The following EFNA5 variants were observed in gnomAD, a reference collection of about 807,000 sequenced individuals.
EFNA5 encodes the protein ephrin-A5.
A neutral mutation model predicts 22.9 loss-of-function variants in EFNA5; 5 were observed. The ratio of observed to expected loss-of-function variants is 0.22; its 90% CI spans 0.11 to 0.46. The LOEUF (loss-of-function observed/expected upper bound fraction) is 0.46, where lower values mean the gene tolerates loss of function less well. Ranked by LOEUF, EFNA5 falls within the 20% of genes least tolerant of loss-of-function variation. EFNA5 has a pLI of 0.99. For missense variants in EFNA5, 237 were observed against 293.3 expected (o/e 0.81, Z 1.40); for synonymous variants, 113 against 112.2 (o/e 1.01, Z -0.04).
intron 2 of EFNA5, among the ~76,000 whole-genome samples, chr5:107,418,664 C>G (rs1748571330): frequency 1.3e-5 from 2 of 152,124 alleles, no homozygotes; most frequent in African/African-American, 2.4e-5. Context: ...AGTGTCACAG[C>G]CTTTGAAAAA....
intron 1 of EFNA5, among the ~76,000 whole-genome samples, chr5:107,488,587 C>T (rs1479579020): frequency 2.6e-5 from 4 of 152,214 alleles, no homozygotes; most frequent in Non-Finnish European, 5.9e-5. Context: ...TAAAAGAGCA[C>T]TCCATTCAGA....
chr5:107,516,174 T>TTGTGTGTGTGTGTGTG (rs59824895), intron 1 of EFNA5, among the ~76,000 whole-genome samples: 1,998 of 139,576 alleles, frequency 0.014, 36 homozygotes, highest in Non-Finnish European at 0.019. Context: ...CTGGCTAGTT[T>TTGTGTGTGTGTGTGTG]TGTGTGTGTG....
At chr5:107,644,075 G>A (rs1395375580) in intron 1 of EFNA5, among the ~76,000 whole-genome samples, 1 of 151,874 alleles carries the variant, frequency 6.6e-6, no homozygotes, top group African/African-American at 2.4e-5. Context: ...TCCATTCTTT[G>A]GGAAAAGTCT....
chr5:107,649,176 G>A (rs937179691), intron 1 of EFNA5, among the ~76,000 whole-genome samples: 8 of 152,150 alleles, frequency 5.3e-5, no homozygotes, highest in Middle Eastern at 3.4e-3. Flanking sequence ...CAATCACCTT[G>A]TAAAGATGAA....
In EFNA5 at chr5:107,656,795, T is replaced by A. The variant is rs554226103; in HGVS notation, c.125+13694A>T. On this transcript the variant is annotated intron_variant, in intron 1 of 4. Coordinates refer to ENST00000333274, the MANE Select transcript of EFNA5 (RefSeq NM_001962.3). Reference sequence around the variant, plus strand: ...TAGGGTGAAGAAACTGAGGCTTAGATTCACCACTATAAATGGCATACTTAC... The same window carrying A: ...TAGGGTGAAGAAACTGAGGCTTAGAATCACCACTATAAATGGCATACTTAC... 6.6e-5 allele frequency among the ~76,000 whole-genome samples: 10 copies of A among 152,252 alleles called. No individual in the cohort carries two copies. The South Asian group carries it at 2.1e-3, about 32-fold the overall frequency.
chr5:107,603,284 C>T (rs1317151866), intron 1 of EFNA5, among the ~76,000 whole-genome samples: 2 of 152,156 alleles, frequency 1.3e-5, no homozygotes, highest in Non-Finnish European at 2.9e-5. Context: ...TTCCCCCATT[C>T]CAGTCTTAGC....
intron 1 of EFNA5, among the ~76,000 whole-genome samples, chr5:107,659,496 CTTTTT>C (rs550340874): frequency 4.6e-5 from 6 of 129,254 alleles, no homozygotes; most frequent in South Asian, 2.5e-4. Flanking sequence ...TTGGGTTTTC[CTTTTT>C]TTTTTTTTTT....
chr5:107,560,703 G>C (rs1375689607), intron 1 of EFNA5, among the ~76,000 whole-genome samples: 1 of 152,182 alleles, frequency 6.6e-6, no homozygotes, highest in Non-Finnish European at 1.5e-5. Flanking sequence ...AAAGGGGATG[G>C]ATTAGACTTG....
intron 4 of EFNA5, among the ~76,000 whole-genome samples, chr5:107,383,324 T>C (rs978111992): frequency 6.6e-6 from 1 of 152,180 alleles, no homozygotes; most frequent in Non-Finnish European, 1.5e-5. Context: ...TATAAAGTCC[T>C]CCACAATGTG....
chr5:107,438,855 A>G (rs1749182136), intron 1 of EFNA5, among the ~76,000 whole-genome samples: 1 of 152,126 alleles, frequency 6.6e-6, no homozygotes, highest in Admixed American at 6.5e-5. Flanking sequence ...CAGGTATTTT[A>G]TATTCTTCAC....
At chr5:107,548,428 G>T (rs185104554) in intron 1 of EFNA5, among the ~76,000 whole-genome samples, 163 of 152,246 alleles carry the variant, frequency 1.1e-3, no homozygotes, top group Non-Finnish European at 1.7e-3. Context: ...CATTTAATAT[G>T]ATTATTTTTA....
At chr5:107,659,341 A>T (rs1210822330) in intron 1 of EFNA5, among the ~76,000 whole-genome samples, 1 of 152,136 alleles carries the variant, frequency 6.6e-6, no homozygotes, top group Non-Finnish European at 1.5e-5. Context: ...TATAGGACCA[A>T]GTTCTGATTC....
intron 1 of EFNA5, among the ~76,000 whole-genome samples, chr5:107,564,255 T>G (rs164697): frequency 1.1e-3 from 170 of 152,200 alleles, no homozygotes; most frequent in African/African-American, 4.0e-3. Flanking sequence ...AAATTACTGT[T>G]AAAGGCAGAA....
At chr5:107,614,048 T>C (rs1292058743) in intron 1 of EFNA5, among the ~76,000 whole-genome samples, 2 of 152,174 alleles carry the variant, frequency 1.3e-5, no homozygotes, top group African/African-American at 4.8e-5. Flanking sequence ...AACCTGTTCC[T>C]ACTCACCATC....
chr5:107,404,172 T>C lies in EFNA5; in HGVS notation c.419-16401A>G, dbSNP rs112639309. 3.0e-3 allele frequency among the ~76,000 whole-genome samples: 458 copies of C among 152,342 alleles called. 1 individual carries two copies. Among genetic ancestry groups the C allele is most frequent in the African/African-American group, 9.8e-3 (409 of 41,588 alleles). On this transcript the variant is annotated intron_variant, in intron 2 of 4. Coordinates refer to ENST00000333274, the MANE Select transcript of EFNA5 (RefSeq NM_001962.3). The stretch of plus-strand genomic sequence containing the variant: ...TACACATGGTTCAAGCTCGAAATGA[T>C]AGACCATTATCACAAGTGATGGCGA...
rs531625106 is a variant in EFNA5, at chr5:107,670,606, T to G, written c.8A>C (p.His3Pro). The change falls in exon 1 of 5, where the codon CAC (histidine) becomes CCC (proline). Residue 3 changes from histidine (H) to proline (P), a missense_variant. By Grantham distance (77) the His-to-Pro change is moderately conservative. Coordinates refer to ENST00000333274, the MANE Select transcript of EFNA5 (RefSeq NM_001962.3). ...AAACACCAGCGTCAACATCTCCACG[T>G]GCAACATCACGCCTGGCCAGCGGCG... ML[H>P]VEMLTLVFLV... 3.7e-6 allele frequency: 6 copies of G among 1,603,102 alleles called. No individual in the cohort carries two copies. The Admixed American group carries it at 8.4e-5, about 22-fold the overall frequency.
intron 1 of EFNA5, among the ~76,000 whole-genome samples, chr5:107,535,418 T>C (rs894021077): frequency 1.3e-5 from 2 of 152,140 alleles, no homozygotes; most frequent in African/African-American, 4.8e-5. Flanking sequence ...ATTACACCTT[T>C]ACTAAGACTA....
chr5:107,478,993 T>C (rs148574592), intron 1 of EFNA5, among the ~76,000 whole-genome samples: 2 of 152,314 alleles, frequency 1.3e-5, no homozygotes, highest in East Asian at 1.9e-4. Context: ...TTCATACTGA[T>C]TGAAAGGGCT....
intron 1 of EFNA5, among the ~76,000 whole-genome samples, chr5:107,561,421 T>C (rs1016860295): frequency 6.6e-6 from 1 of 152,026 alleles, no homozygotes; most frequent in Admixed American, 6.6e-5. Flanking sequence ...CAGGCTGGAG[T>C]GCAATGGCGC....
Sources: gnomAD v4.1 joint callset for allele counts (sites outside exome capture counted in the v4.1 genomes callset) on GRCh38, gnomAD v4.1.1 for gene constraint, MANE v1.5 for transcripts, NCBI Gene and HGNC (gene_info 2026-07-23, HGNC 2026-07-21) for gene names.